CSGALNACT1: variants seen among roughly 807,000 people sequenced by gnomAD.
The protein encoded by CSGALNACT1 is chondroitin sulfate N-acetylgalactosaminyltransferase 1.
A neutral mutation model predicts 51.0 loss-of-function variants in CSGALNACT1; 52 were observed. The observed-to-expected ratio is 1.02, with a 90% CI of 0.82 to 1.29. CSGALNACT1 has a LOEUF of 1.29. Among genes scored for constraint, CSGALNACT1 ranks in the 50% most tolerant of loss-of-function variants. CSGALNACT1 has a pLI of 0.00. For synonymous variants in CSGALNACT1, 341 were observed against 254.4 expected (o/e 1.34, Z -3.24); for missense variants, 935 against 679.2 (o/e 1.38, Z -4.19).
chr8:19,705,301 A>G (rs1209259083), intron 1 of CSGALNACT1, among the ~76,000 whole-genome samples: 1 of 152,264 alleles, frequency 6.6e-6, no homozygotes, highest in Non-Finnish European at 1.5e-5. Context: ...ACTTACATCA[A>G]GAATTCCATT....
chr8:19,705,666 G>T lies in CSGALNACT1; in HGVS notation c.-297+52184C>A, dbSNP rs137878882. Among the ~76,000 whole-genome samples, 1,314 of 152,224 alleles carry T rather than the reference G, an allele frequency of 8.6e-3. 25 individuals are homozygous for T. The highest frequency in any genetic ancestry group is 0.03 in the African/African-American group (1,262 of 41,520). On this transcript the variant is annotated intron_variant, in intron 1 of 1. Coordinates refer to the CSGALNACT1 transcript ENST00000517494. ...GTGGGAGGATTGCCTGAGCCGGGGA[G>T]GGGGAGGCTGCAGTGAGCTGAGATC...
chr8:19,512,941 T>C (rs1034417381), intron 3 of CSGALNACT1, among the ~76,000 whole-genome samples: 1 of 152,196 alleles, frequency 6.6e-6, no homozygotes, highest in African/African-American at 2.4e-5. Flanking sequence ...CCAAGTTAAC[T>C]GAGAAGTGAT....
intron 1 of CSGALNACT1, among the ~76,000 whole-genome samples, chr8:19,714,940 C>A (rs1216119119): frequency 6.6e-6 from 1 of 152,134 alleles, no homozygotes; most frequent in Non-Finnish European, 1.5e-5. Flanking sequence ...CTCAAGTGGG[C>A]CCCAGTGTCT....
intron 4 of CSGALNACT1, among the ~76,000 whole-genome samples, chr8:19,496,195 A>T (rs1220761602): frequency 1.3e-5 from 2 of 152,196 alleles, no homozygotes; most frequent in African/African-American, 4.8e-5. Context: ...CATAACATTA[A>T]AACTCAAAGA....
intron 1 of CSGALNACT1, among the ~76,000 whole-genome samples, chr8:19,615,183 A>G (rs1250144066): frequency 2.0e-5 from 3 of 152,214 alleles, no homozygotes; most frequent in Non-Finnish European, 4.4e-5. Flanking sequence ...GTGCACCTGT[A>G]ATCCCAGCTA....
At chr8:19,750,315 G>C (rs1203222219) in intron 1 of CSGALNACT1, among the ~76,000 whole-genome samples, 1 of 152,260 alleles carries the variant, frequency 6.6e-6, no homozygotes, top group Non-Finnish European at 1.5e-5. Flanking sequence ...GTTTGTCCCA[G>C]CCTCTGGTGG....
chr8:19,753,907 C>T (rs191734163), intron 1 of CSGALNACT1, among the ~76,000 whole-genome samples: 3 of 152,278 alleles, frequency 2.0e-5, no homozygotes, highest in East Asian at 1.9e-4. Flanking sequence ...TTCTCAAGCT[C>T]GACTAACTTC....
rs143064208 is a variant in CSGALNACT1 at position 19,457,497 on chromosome 8, C to A, written c.851+929G>T. On this transcript the variant is annotated intron_variant, in intron 5 of 9. Coordinates refer to ENST00000454498, the Ensembl canonical transcript of CSGALNACT1. ...GCATGGTAATGGGCATCTGTAATCCCAGCTACTTGGGAAGCTGAGGCAGGA... is the reference window on the plus strand; with the variant it reads ...GCATGGTAATGGGCATCTGTAATCCAAGCTACTTGGGAAGCTGAGGCAGGA... 7.1e-4 allele frequency: 293 copies of A among 409,796 alleles called. 1 individual carries two copies. Among genetic ancestry groups the A allele is most frequent in the African/African-American group, 5.7e-3 (274 of 47,958 alleles). 25.4% of individuals were successfully genotyped at this position (409,796 alleles called of 1,614,324 possible). A position where few individuals can be genotyped will look rare whatever the true frequency, so the allele number is the denominator to read the frequency against.
intron 1 of CSGALNACT1, among the ~76,000 whole-genome samples, chr8:19,619,222 C>T (rs995179089): frequency 8.1e-6 from 1 of 123,158 alleles, no homozygotes; most frequent in South Asian, 2.6e-4. Flanking sequence ...AAATGGGAGA[C>T]AGGAAAAGAG....
intron 5 of CSGALNACT1, among the ~76,000 whole-genome samples, chr8:19,454,458 G>A (rs563887395): frequency 1.3e-5 from 2 of 152,296 alleles, no homozygotes; most frequent in African/African-American, 4.8e-5. Context: ...ATCACTTGAC[G>A]TCAGGAGTTT....
chr8:19,537,963 G>C (rs989454010), intron 3 of CSGALNACT1, among the ~76,000 whole-genome samples: 7 of 152,130 alleles, frequency 4.6e-5, no homozygotes, highest in African/African-American at 1.2e-4. Flanking sequence ...GCTATGGACT[G>C]GGGAAAATAT....
intron 1 of CSGALNACT1, among the ~76,000 whole-genome samples, chr8:19,714,896 G>A (rs187477586): frequency 6.6e-6 from 1 of 152,220 alleles, no homozygotes; most frequent in East Asian, 1.9e-4. Flanking sequence ...TGATAAGTAG[G>A]CTTTTGATCC....
intron 1 of CSGALNACT1, among the ~76,000 whole-genome samples, chr8:19,664,115 T>C (rs1275812417): frequency 6.6e-6 from 1 of 152,224 alleles, no homozygotes; most frequent in Non-Finnish European, 1.5e-5. Flanking sequence ...AAAGAGTTTA[T>C]TTGCCATTAC....
intron 1 of CSGALNACT1, among the ~76,000 whole-genome samples, chr8:19,742,440 G>A (rs770409719): frequency 5.9e-5 from 9 of 152,314 alleles, no homozygotes; most frequent in Middle Eastern, 3.4e-3. Flanking sequence ...CTTAAGACCT[G>A]ATCACTGCCC....
At chr8:19,702,909 C>G (rs2154220515) in intron 1 of CSGALNACT1, among the ~76,000 whole-genome samples, 1 of 152,126 alleles carries the variant, frequency 6.6e-6, no homozygotes, top group South Asian at 2.1e-4. Context: ...CCACTTAGAC[C>G]AGGGCCAATG....
chr8:19,733,430 G>A (rs987285381), intron 1 of CSGALNACT1, among the ~76,000 whole-genome samples: 1 of 152,010 alleles, frequency 6.6e-6, no homozygotes, highest in African/African-American at 2.4e-5. Context: ...TTTTCTATTA[G>A]TAAGAATAAA....
At chr8:19,651,876 C>A (rs2057832327) in intron 1 of CSGALNACT1, among the ~76,000 whole-genome samples, 1 of 151,856 alleles carries the variant, frequency 6.6e-6, no homozygotes. Context: ...TTTTTACCAG[C>A]AATTAATGTG....
chr8:19,424,203 C>T (rs1328916214), intron 6 of CSGALNACT1, among the ~76,000 whole-genome samples: 2 of 152,166 alleles, frequency 1.3e-5, no homozygotes, highest in African/African-American at 4.8e-5. Context: ...GACAGAGTCA[C>T]TGCTGGCTTG....
intron 1 of CSGALNACT1, among the ~76,000 whole-genome samples, chr8:19,700,899 G>A (rs2061828765): frequency 6.6e-6 from 1 of 152,074 alleles, no homozygotes; most frequent in Non-Finnish European, 1.5e-5. Flanking sequence ...TTTGAAGGGG[G>A]CAAAATTTTT....
Sources: allele counts gnomAD v4.1 joint callset (sites outside exome capture counted in the v4.1 genomes callset), GRCh38; gene constraint gnomAD v4.1.1; transcripts MANE v1.5; gene names NCBI Gene and HGNC (gene_info 2026-07-23, HGNC 2026-07-21).